The following NCMAP variants were observed in gnomAD, a reference collection of about 807,000 sequenced individuals.
NCMAP encodes non-compact myelin associated protein, also known as noncompact myelin-associated protein.
NCMAP carries 8 observed loss-of-function variants against 7.8 expected under a neutral mutation model. The ratio of observed to expected loss-of-function variants is 1.02; its 90% CI spans 0.60 to 1.84. NCMAP has a LOEUF of 1.84. NCMAP is among the 40% of genes most tolerant of loss of function. NCMAP has a pLI of 0.00. For synonymous variants in NCMAP, 41 were observed against 52.9 expected (o/e 0.78, Z 0.98); for missense variants, 112 against 131.4 (o/e 0.85, Z 0.72).
At chr1:24,567,329 G>C (rs1651257450) in intron 1 of NCMAP, among the ~76,000 whole-genome samples, 1 of 152,168 alleles carries the variant, frequency 6.6e-6, no homozygotes, top group Admixed American at 6.5e-5. Flanking sequence ...GGTGATAAGT[G>C]CTATAACTAA....
chr1:24,601,078 G>C lies in NCMAP; in HGVS notation c.167+54G>C, dbSNP rs1201857258. On this transcript the variant is annotated intron_variant, in intron 3 of 3. Coordinates refer to ENST00000374392, the MANE Select transcript of NCMAP (RefSeq NM_001010980.5). ...CTGGACGGTCCCTTCAGTGACATCA[G>C]AATAAATGGGAGGTGATATATGGGT... 8 of 1,397,908 alleles carry C rather than the reference G, an allele frequency of 5.7e-6. No individual in the cohort carries two copies. The Admixed American group carries it at 1.3e-4, about 23-fold the overall frequency. The allele number at this position is 1,397,908 out of a possible 1,614,324, so 86.6% of individuals were successfully genotyped here.
intron 2 of NCMAP, among the ~76,000 whole-genome samples, chr1:24,600,423 G>C (rs1156569654): frequency 1.3e-5 from 2 of 152,174 alleles, no homozygotes; most frequent in African/African-American, 4.8e-5. Flanking sequence ...CAAAGTACTG[G>C]AATTGCAGGC....
intron 1 of NCMAP, among the ~76,000 whole-genome samples, chr1:24,593,043 T>C (rs954079114): frequency 6.6e-6 from 1 of 151,894 alleles, no homozygotes; most frequent in Non-Finnish European, 1.5e-5. Context: ...CTGGATGTGG[T>C]CGTGGGCCCT....
intron 1 of NCMAP, among the ~76,000 whole-genome samples, chr1:24,587,956 TA>T (rs756460524): frequency 9.2e-5 from 14 of 152,206 alleles, no homozygotes; most frequent in African/African-American, 2.2e-4. Context: ...TTTTTTCTTT[TA>T]TTTTTTTTTA....
rs533756184 is a variant in NCMAP, at chr1:24,560,262, A to C, written c.-8+4093A>C. Among the ~76,000 whole-genome samples, 164 of 152,188 alleles carry C rather than the reference A, an allele frequency of 1.1e-3. 1 individual carries two copies. Among genetic ancestry groups the C allele is most frequent in the Middle Eastern group, 6.8e-3 (2 of 294 alleles). ...GGGCAAACAACCTCAGGATTTAAAA[A>C]TTCGTCCCACAATTCACTCGTCATT... On this transcript the variant is annotated intron_variant, in intron 1 of 3. Coordinates refer to ENST00000374392, the MANE Select transcript of NCMAP (RefSeq NM_001010980.5).
chr1:24,593,323 A>T (rs923159731), intron 1 of NCMAP, among the ~76,000 whole-genome samples: 86 of 11,954 alleles, frequency 7.2e-3, no homozygotes, highest in Non-Finnish European at 0.016. Context: ...AGCCTCTATA[A>T]AAAAAAAAGA....
At chr1:24,558,780 A>T (rs1176013240) in intron 1 of NCMAP, among the ~76,000 whole-genome samples, 1 of 152,112 alleles carries the variant, frequency 6.6e-6, no homozygotes, top group African/African-American at 2.4e-5. Context: ...GTTGGGGAAG[A>T]CCATTTCTCC....
chr1:24,600,764 G>T (rs949806177), intron 2 of NCMAP, among the ~76,000 whole-genome samples, 176 bp from the exon 3 acceptor site: 1 of 152,196 alleles, frequency 6.6e-6, no homozygotes, highest in Non-Finnish European at 1.5e-5. Context: ...CTCGGGGCAG[G>T]GGTGCACAGC....
chr1:24,604,588 AAAAAAAAAAAAAAAAAAATATAT>A (rs1652622380), intron 3 of NCMAP, among the ~76,000 whole-genome samples: 1 of 57,294 alleles, frequency 1.7e-5, no homozygotes, highest in Non-Finnish European at 2.9e-5. Flanking sequence ...AAAAAAAAAA[AAAAAAAAAAAAAAAAAAATATAT>A]ATATATATAT....
At chr1:24,587,929 A>T (rs1053691419) in intron 1 of NCMAP, among the ~76,000 whole-genome samples, 1 of 152,098 alleles carries the variant, frequency 6.6e-6, no homozygotes, top group African/African-American at 2.4e-5. Flanking sequence ...ATGAAGGTCA[A>T]TTTTCTTTTT....
chr1:24,602,789 T>A (rs1193178403), intron 3 of NCMAP, among the ~76,000 whole-genome samples: 1 of 149,934 alleles, frequency 6.7e-6, no homozygotes, highest in Non-Finnish European at 1.5e-5. Flanking sequence ...GCGTGGTGGC[T>A]CACACCTGTA....
At chr1:24,577,258 A>C (rs1651588944) in intron 1 of NCMAP, among the ~76,000 whole-genome samples, 1 of 152,174 alleles carries the variant, frequency 6.6e-6, no homozygotes. Flanking sequence ...TGTCATCCTT[A>C]ACTCATTAAT....
intron 3 of NCMAP, among the ~76,000 whole-genome samples, chr1:24,602,569 CAAAAA>C (rs10630961): frequency 3.4e-3 from 136 of 40,060 alleles, no homozygotes; most frequent in Admixed American, 7.6e-3. Context: ...GACTCCATCT[CAAAAA>C]AAAAAAAAAA....
At chr1:24,590,576 C>T (rs997441874) in intron 1 of NCMAP, among the ~76,000 whole-genome samples, 1 of 152,132 alleles carries the variant, frequency 6.6e-6, no homozygotes, top group African/African-American at 2.4e-5. Flanking sequence ...AATTCTCATA[C>T]TTGTCTGTGC....
intron 2 of NCMAP, among the ~76,000 whole-genome samples, chr1:24,596,593 G>A (rs1652237671): frequency 6.6e-6 from 1 of 152,154 alleles, no homozygotes; most frequent in Admixed American, 6.5e-5. Context: ...TGCTGAGGCA[G>A]GAGGATCGCT....
At chr1:24,562,793 G>A (rs1023685369) in intron 1 of NCMAP, among the ~76,000 whole-genome samples, 9 of 152,162 alleles carry the variant, frequency 5.9e-5, no homozygotes, top group African/African-American at 2.2e-4. Flanking sequence ...ACCCCCAGCT[G>A]GGGGAAACTC....
At chr1:24,561,989 T>A (rs1651068361) in intron 1 of NCMAP, among the ~76,000 whole-genome samples, 1 of 152,178 alleles carries the variant, frequency 6.6e-6, no homozygotes, top group Admixed American at 6.5e-5. Flanking sequence ...TGAACACCTT[T>A]AATGATATTA....
chr1:24,577,418 T>G (rs1557596575), intron 1 of NCMAP, among the ~76,000 whole-genome samples: 3 of 146,736 alleles, frequency 2.0e-5, no homozygotes, highest in Admixed American at 1.4e-4. Flanking sequence ...TTTTTTTTTT[T>G]TTTTTTTTTT....
intron 1 of NCMAP, among the ~76,000 whole-genome samples, chr1:24,562,922 C>T (rs1335024200): frequency 6.6e-6 from 1 of 152,234 alleles, no homozygotes; most frequent in Non-Finnish European, 1.5e-5. Context: ...ATCCCTTCCC[C>T]CTCCTTATGC....
Sources: allele counts gnomAD v4.1 joint callset (sites outside exome capture counted in the v4.1 genomes callset), GRCh38; gene constraint gnomAD v4.1.1; transcripts MANE v1.5; gene names NCBI Gene and HGNC (gene_info 2026-07-23, HGNC 2026-07-21).